PLEKHH2: variants seen among roughly 807,000 people sequenced by gnomAD.
PLEKHH2 encodes the protein pleckstrin homology, MyTH4 and FERM domain containing H2.
In PLEKHH2, 129 loss-of-function variants were observed where a neutral mutation model predicts 187.9. That is an observed-to-expected ratio of 0.69 (90% CI 0.59 to 0.79). The LOEUF (loss-of-function observed/expected upper bound fraction) is 0.79, where lower values mean the gene tolerates loss of function less well. PLEKHH2 is among the 30% of genes least tolerant of loss of function. The probability of loss-of-function intolerance (pLI) is 0.00; values close to 1 mark genes in which losing one functional copy is unlikely to be tolerated. For synonymous variants in PLEKHH2, 686 were observed against 605.6 expected (o/e 1.13, Z -1.95); for missense variants, 2,076 against 1,751.2 (o/e 1.19, Z -3.31).
In PLEKHH2 at chr2:43,753,584, T is replaced by C. The variant is rs1672088202; in HGVS notation, c.3654-35T>C. On this transcript the variant is annotated intron_variant, in intron 24 of 29. Transcript: ENST00000282406. ...TTTACTTTATTTCCTTGTAAGAATA[T>C]AATTTAATGAGAAATTTACTCTTTT... The C allele has an allele frequency of 6.4e-6, 9 of 1,409,704 alleles. No homozygotes were observed. In the East Asian group the frequency reaches 2.0e-4, roughly 31 times the overall value. The allele number at this position is 1,409,704 out of a possible 1,614,324, so 87.3% of individuals were successfully genotyped here.
At chr2:43,655,675 G>A (rs200658119) in intron 2 of PLEKHH2, among the ~76,000 whole-genome samples, 1 of 152,090 alleles carries the variant, frequency 6.6e-6, no homozygotes, top group African/African-American at 2.4e-5. Context: ...ATCACAAAAC[G>A]ACCTACTTTG....
chr2:43,706,755 C>G (rs1252993554), intron 10 of PLEKHH2, among the ~76,000 whole-genome samples: 1 of 152,114 alleles, frequency 6.6e-6, no homozygotes, highest in African/African-American at 2.4e-5. Context: ...CCAGGGTACC[C>G]CTTCCTTGCT....
rs777046197 is a variant in PLEKHH2, at chr2:43,759,020, T to C, written c.4062T>C (p.Phe1354=). The change falls in exon 27 of 30, where the codon TTT becomes TTC. Residue 1354 remains phenylalanine (F), a synonymous_variant. Coordinates refer to ENST00000282406, the MANE Select transcript of PLEKHH2 (RefSeq NM_172069.4). ...RKWPFFGAKL[F]LAKPITPSSL... Reference sequence around the variant, plus strand: ...GGCCATTCTTTGGTGCCAAGTTGTTTCTTGCAAAAGTAAGAAAGAATGGGA... The same window carrying C: ...GGCCATTCTTTGGTGCCAAGTTGTTCCTTGCAAAAGTAAGAAAGAATGGGA... The C allele has an allele frequency of 4.3e-6, 7 of 1,612,170 alleles. No individual in the cohort carries two copies. In the African/African-American group the frequency reaches 9.3e-5, roughly 22 times the overall value.
At chr2:43,693,254 G>A in intron 4 of PLEKHH2, among the ~76,000 whole-genome samples, 1 of 152,220 alleles carries the variant, frequency 6.6e-6, no homozygotes, top group East Asian at 1.9e-4. Context: ...TAGTATTTAA[G>A]TTGGGAACAT....
chr2:43,659,716 G>A (rs575472096), intron 2 of PLEKHH2, among the ~76,000 whole-genome samples: 26 of 151,926 alleles, frequency 1.7e-4, no homozygotes, highest in Non-Finnish European at 3.2e-4. Flanking sequence ...GTGCCATCAT[G>A]CCTGGGTAAT....
rs1436352697 is a variant in PLEKHH2 at position 43,704,045 on chromosome 2, G to A, written c.1715G>A (p.Ser572Asn). 32 of 1,595,742 alleles carry A rather than the reference G, an allele frequency of 2.0e-5. No individual in the cohort carries two copies. The highest frequency in any genetic ancestry group is 2.7e-5 in the Non-Finnish European group (31 of 1,166,470). ...IRMSEAFNMESVNKNSAATLS... is the reference protein window; with the variant it reads ...IRMSEAFNMENVNKNSAATLS... ...ATGTCTGAGGCCTTCAATATGGAGAGTGTTAATAAAAGTAAGTGCTTTTTC... is the reference window on the plus strand; with the variant it reads ...ATGTCTGAGGCCTTCAATATGGAGAATGTTAATAAAAGTAAGTGCTTTTTC... The change falls in exon 9 of 30, where the codon AGT (serine) becomes AAT (asparagine). Residue 572 changes from serine to asparagine, a missense_variant. By Grantham distance (46) the Ser-to-Asn change is conservative. Transcript: ENST00000282406.
Position 43,754,201 on chromosome 2 carries a change from C to CAAA in PLEKHH2, c.3795+442_3795+443insAAA, listed in dbSNP as rs1282544786. ...ACACACACACACACACACACACACA[C>CAAA]ACACAAAATTAATACTGACTTAATC... On this transcript the variant is annotated intron_variant, in intron 25 of 29. Coordinates refer to ENST00000282406, the MANE Select transcript of PLEKHH2 (RefSeq NM_172069.4). Among the ~76,000 whole-genome samples the CAAA allele has an allele frequency of 1.7e-3, 191 of 115,136 alleles. 3 individuals are homozygous for CAAA. Among genetic ancestry groups the CAAA allele is most frequent in the African/African-American group, 7.3e-3 (176 of 24,010 alleles). The allele number at this position is 115,136 out of a possible 152,430, so 75.5% of individuals were successfully genotyped here.
At chr2:43,691,710 G>A (rs569506998) in intron 3 of PLEKHH2, among the ~76,000 whole-genome samples, 2 of 152,058 alleles carry the variant, frequency 1.3e-5, no homozygotes, top group Non-Finnish European at 2.9e-5. Context: ...TATTATATTT[G>A]TGATCTCTCT....
rs531107506 is a variant in PLEKHH2 at position 43,716,573 on chromosome 2, GA to G, written c.2461-4091del. ...TTTCTCTAACATCTTCAGATGCCCA[GA>G]AAAAGGAGCAGAGAATTTACATTGT... On this transcript the variant is annotated intron_variant, in intron 15 of 29. Transcript: ENST00000282406. Among the ~76,000 whole-genome samples, 5 of 152,108 alleles carry G rather than the reference GA, an allele frequency of 3.3e-5. No individual in the cohort carries two copies. In the South Asian group the frequency reaches 8.3e-4, roughly 25 times the overall value.
rs754033132 is a variant in PLEKHH2 at position 43,678,927 on chromosome 2, T to A, written c.186+2T>A. Reference sequence around the variant, plus strand: ...CAAGCAGAAAAAGCTTTTCAACAGGTAGAGTATAATTTTACTTTAAATTTT... The same window carrying A: ...CAAGCAGAAAAAGCTTTTCAACAGGAAGAGTATAATTTTACTTTAAATTTT... On this transcript the variant is annotated splice_donor_variant, in intron 3 of 29. Transcript: ENST00000282406. LOFTEE classifies it high-confidence loss of function. 1 of 1,603,042 alleles carries A rather than the reference T, an allele frequency of 6.2e-7. No individual in the cohort carries two copies. The highest frequency in any genetic ancestry group is 1.3e-5 in the African/African-American group (1 of 74,670).
At chr2:43,676,063 A>G (rs779906960) in intron 2 of PLEKHH2, 9 of 1,613,920 alleles carry the variant, frequency 5.6e-6, no homozygotes, top group Non-Finnish European at 3.4e-6. Context: ...GGTCTCTTTC[A>G]GTACAGCCCA....
In PLEKHH2 at chr2:43,669,761, C is replaced by T. The variant is rs114470019; in HGVS notation, c.124-9102C>T. On this transcript the variant is annotated intron_variant, in intron 2 of 29. Transcript: ENST00000282406. Reference sequence around the variant, plus strand: ...CACTCTGTTGGCCCAGGCTAGAGTGCGGTGATGTGATCTCAGTTCACTGCA... The same window carrying T: ...CACTCTGTTGGCCCAGGCTAGAGTGTGGTGATGTGATCTCAGTTCACTGCA... Among the ~76,000 whole-genome samples the T allele has an allele frequency of 4.1e-3, 626 of 151,670 alleles. 4 individuals are homozygous for T. The highest frequency in any genetic ancestry group is 0.015 in the African/African-American group (603 of 41,370).
intron 2 of PLEKHH2, among the ~76,000 whole-genome samples, chr2:43,666,292 T>C (rs1667202399): frequency 6.6e-6 from 1 of 151,346 alleles, no homozygotes; most frequent in Non-Finnish European, 1.5e-5. Flanking sequence ...CCTGACCCCT[T>C]GCGCTTCCCA....
chr2:43,696,629 G>A (rs1669104765), intron 6 of PLEKHH2, among the ~76,000 whole-genome samples: 1 of 151,154 alleles, frequency 6.6e-6, no homozygotes, highest in Non-Finnish European at 1.5e-5. Flanking sequence ...TTTATATTGT[G>A]GTTACCATAG....
intron 20 of PLEKHH2, among the ~76,000 whole-genome samples, chr2:43,740,361 C>T (rs1328391009): frequency 1.3e-5 from 2 of 152,084 alleles, no homozygotes; most frequent in African/African-American, 4.8e-5. Context: ...CCATGTTCTT[C>T]AGAAGAGAAT....
intron 2 of PLEKHH2, among the ~76,000 whole-genome samples, chr2:43,656,977 C>A (rs574508777): frequency 6.6e-6 from 1 of 152,180 alleles, no homozygotes; most frequent in Non-Finnish European, 1.5e-5. Context: ...CGAGATCGCG[C>A]CATTGCACTC....
At chr2:43,756,098 A>G (rs996807375) in intron 25 of PLEKHH2, among the ~76,000 whole-genome samples, 2 of 152,176 alleles carry the variant, frequency 1.3e-5, no homozygotes, top group African/African-American at 4.8e-5. Context: ...ATGCTCCAAT[A>G]AAGTATAAAT....
At chr2:43,706,973 G>T (rs1278193185) in intron 10 of PLEKHH2, among the ~76,000 whole-genome samples, 1 of 152,052 alleles carries the variant, frequency 6.6e-6, no homozygotes, top group African/African-American at 2.4e-5. Context: ...CGAGGCGGGC[G>T]GATCACGAGG....
At chr2:43,744,164 T>C in intron 23 of PLEKHH2, 175 bp downstream of exon 23, 1 of 1,327,244 alleles carries the variant, frequency 7.5e-7, no homozygotes, top group Non-Finnish European at 9.8e-7. Flanking sequence ...CATAGAATTC[T>C]TAATACACAA....
Sources: allele counts gnomAD v4.1 joint callset (sites outside exome capture counted in the v4.1 genomes callset), GRCh38; gene constraint gnomAD v4.1.1; transcripts MANE v1.5; gene names NCBI Gene and HGNC (gene_info 2026-07-23, HGNC 2026-07-21).